PIK3CB: variants seen among roughly 807,000 people sequenced by gnomAD.
PIK3CB encodes the protein phosphatidylinositol 4,5-bisphosphate 3-kinase catalytic subunit beta isoform.
PIK3CB carries 39 observed loss-of-function variants against 136.8 expected under a neutral mutation model. The observed-to-expected ratio is 0.29, with a 90% CI of 0.22 to 0.37. The LOEUF is 0.37. Ranked by LOEUF, PIK3CB falls within the 10% of genes least tolerant of loss-of-function variation. The probability of loss-of-function intolerance (pLI) is 1.00; values close to 1 mark genes in which losing one functional copy is unlikely to be tolerated. For missense variants in PIK3CB, 868 were observed against 1,275.4 expected (o/e 0.68, Z 4.87); for synonymous variants, 428 against 436.6 (o/e 0.98, Z 0.25).
At chr3:138,732,432 T>C (rs2045002115) in intron 8 of PIK3CB, among the ~76,000 whole-genome samples, 1 of 152,158 alleles carries the variant, frequency 6.6e-6, no homozygotes, top group African/African-American at 2.4e-5. Context: ...TTGGTAATTT[T>C]TGGCAAGGGG....
intron 2 of PIK3CB, among the ~76,000 whole-genome samples, chr3:138,793,164 G>C (rs1204029277): frequency 6.6e-6 from 1 of 152,128 alleles, no homozygotes; most frequent in African/African-American, 2.4e-5. Context: ...AATCACTGGA[G>C]TGAACAAGAA....
At chr3:138,748,802 G>T (rs1227042862) in intron 4 of PIK3CB, among the ~76,000 whole-genome samples, 2 of 152,126 alleles carry the variant, frequency 1.3e-5, no homozygotes, top group Non-Finnish European at 2.9e-5. Flanking sequence ...TGACTCTATT[G>T]CTAGTGGTAT....
chr3:138,824,892 C>CA (rs57342129), intron 1 of PIK3CB, among the ~76,000 whole-genome samples: 750 of 62,256 alleles, frequency 0.012, 4 homozygotes, highest in East Asian at 0.024. Context: ...TACAAAATAC[C>CA]AAAAAAAAAA....
At chr3:138,706,314 T>C (rs1172838662) in intron 11 of PIK3CB, among the ~76,000 whole-genome samples, 7 of 152,214 alleles carry the variant, frequency 4.6e-5, no homozygotes, top group Non-Finnish European at 1.0e-4. Context: ...TAAATTACCA[T>C]AGCCCTATAT....
Position 138,821,488 on chromosome 3 carries a change from G to C in PIK3CB, c.-122+13207C>G, listed in dbSNP as rs902169730. Among the ~76,000 whole-genome samples the C allele has an allele frequency of 2.6e-5, 4 of 151,416 alleles. No individual in the cohort carries two copies. In the South Asian group the frequency reaches 8.4e-4, roughly 32 times the overall value. ...CTAAAACCCAGAAGCTCCTCAGTTA[G>C]AAAAAATATTAATAGCCTGGGCATG... On this transcript the variant is annotated intron_variant, in intron 1 of 23. Coordinates refer to ENST00000674063, the MANE Select transcript of PIK3CB (RefSeq NM_006219.3).
At chr3:138,693,301 G>C (rs1408949039) in intron 14 of PIK3CB, among the ~76,000 whole-genome samples, 1 of 152,096 alleles carries the variant, frequency 6.6e-6, no homozygotes, top group Admixed American at 6.5e-5. Context: ...TAACCATGTT[G>C]CCAAGGCTGG....
intron 13 of PIK3CB, among the ~76,000 whole-genome samples, chr3:138,697,867 G>A (rs934595512): frequency 6.6e-6 from 1 of 152,074 alleles, no homozygotes; most frequent in South Asian, 2.1e-4. Flanking sequence ...CAAGTAGCTA[G>A]GACTACAGGC....
chr3:138,793,145 C>G (rs547297282), intron 2 of PIK3CB, among the ~76,000 whole-genome samples: 1 of 152,078 alleles, frequency 6.6e-6, no homozygotes, highest in Non-Finnish European at 1.5e-5. Context: ...TTAGTGTTCT[C>G]GTGGAGCTAA....
At chr3:138,713,016 T>C (rs994780406) in intron 9 of PIK3CB, among the ~76,000 whole-genome samples, 5 of 152,174 alleles carry the variant, frequency 3.3e-5, no homozygotes, top group African/African-American at 9.7e-5. Flanking sequence ...ATTGAGCTGA[T>C]AGGACTTTTA....
intron 2 of PIK3CB, among the ~76,000 whole-genome samples, chr3:138,793,322 C>T (rs1355047845): frequency 6.6e-6 from 1 of 152,102 alleles, no homozygotes; most frequent in Non-Finnish European, 1.5e-5. Flanking sequence ...AAGTTTAAAC[C>T]TCGCTGGGCA....
chr3:138,737,189 T>G (rs536472964), intron 6 of PIK3CB, among the ~76,000 whole-genome samples: 2 of 151,748 alleles, frequency 1.3e-5, no homozygotes, highest in South Asian at 4.2e-4. Context: ...GGCCAGGAAT[T>G]TGAGACCAGC....
At chr3:138,747,124 G>T (rs2045377551) in intron 4 of PIK3CB, among the ~76,000 whole-genome samples, 1 of 97,166 alleles carries the variant, frequency 1.0e-5, no homozygotes, top group East Asian at 3.7e-4. Flanking sequence ...GGCATTTGCA[G>T]GCACAATCAC....
chr3:138,678,775 T>C (rs2043701118), intron 19 of PIK3CB, among the ~76,000 whole-genome samples: 1 of 152,172 alleles, frequency 6.6e-6, no homozygotes, highest in Non-Finnish European at 1.5e-5. Context: ...GGCATATTTC[T>C]TAATGATAAA....
At chr3:138,814,360 C>T (rs145506806) in intron 1 of PIK3CB, among the ~76,000 whole-genome samples, 8 of 151,742 alleles carry the variant, frequency 5.3e-5, no homozygotes, top group African/African-American at 1.9e-4. Context: ...CGCCTATAAT[C>T]CCAGCTACTA....
intron 8 of PIK3CB, among the ~76,000 whole-genome samples, chr3:138,722,439 A>G (rs1182622592): frequency 6.6e-6 from 1 of 152,154 alleles, no homozygotes; most frequent in Non-Finnish European, 1.5e-5. Flanking sequence ...CACCTTTTTA[A>G]TATGGCATTT....
intron 2 of PIK3CB, chr3:138,778,315 T>C (rs950057328): frequency 8.5e-6 from 3 of 353,666 alleles, no homozygotes; most frequent in African/African-American, 2.1e-5. Flanking sequence ...AGATCACCCA[T>C]GACAACTTTG....
chr3:138,728,574 G>A (rs554284375), intron 8 of PIK3CB, among the ~76,000 whole-genome samples: 37 of 152,022 alleles, frequency 2.4e-4, no homozygotes, highest in Non-Finnish European at 3.8e-4. Flanking sequence ...TCAGGAGATC[G>A]AGACCATCCT....
intron 1 of PIK3CB, among the ~76,000 whole-genome samples, chr3:138,819,684 C>T (rs1280549049): frequency 6.6e-6 from 1 of 151,964 alleles, no homozygotes. Flanking sequence ...TAAAAACTTC[C>T]TAAGTAGGCC....
intron 21 of PIK3CB, among the ~76,000 whole-genome samples, chr3:138,658,642 T>C (rs987027274): frequency 1.3e-5 from 2 of 152,232 alleles, no homozygotes; most frequent in African/African-American, 4.8e-5. Context: ...TTATGGAAGA[T>C]AAAGATTTAG....
Sources: gnomAD v4.1 joint callset for allele counts (sites outside exome capture counted in the v4.1 genomes callset) on GRCh38, gnomAD v4.1.1 for gene constraint, MANE v1.5 for transcripts, NCBI Gene and HGNC (gene_info 2026-07-23, HGNC 2026-07-21) for gene names.